HSD17B4: variants seen among roughly 807,000 people sequenced by gnomAD.
HSD17B4 encodes hydroxysteroid 17-beta dehydrogenase 4, also known as peroxisomal multifunctional enzyme type 2.
Under a neutral mutation model 101.0 loss-of-function variants are expected in HSD17B4, and 70 were observed. The observed-to-expected ratio is 0.69, with a 90% CI of 0.57 to 0.85. The LOEUF (loss-of-function observed/expected upper bound fraction) is 0.85. HSD17B4 is among the 40% of genes least tolerant of loss of function. The probability of loss-of-function intolerance (pLI) is 0.00; values close to 1 mark genes in which losing one functional copy is unlikely to be tolerated. For synonymous variants in HSD17B4, 347 were observed against 297.1 expected (o/e 1.17, Z -1.73); for missense variants, 984 against 892.4 (o/e 1.10, Z -1.31).
In HSD17B4 at chr5:119,452,521, A is replaced by G. The variant is rs1484826336; in HGVS notation, c.-55A>G. The G allele has an allele frequency of 6.2e-7, 1 of 1,613,142 alleles. No homozygotes were observed. Among genetic ancestry groups the G allele is most frequent in the Non-Finnish European group, 8.5e-7 (1 of 1,179,872 alleles). ...CATTCCCCGCCTCCTCCTGTCCCGC[A>G]GTCGGCGTCCAGCGGCTCTGCTTGT... On this transcript the variant is annotated 5_prime_UTR_variant, in exon 1 of 24. Coordinates refer to ENST00000510025, the MANE Select transcript of HSD17B4 (RefSeq NM_000414.4).
chr5:119,454,981 T>C (rs1561422131), intron 1 of HSD17B4, among the ~76,000 whole-genome samples: 1 of 152,380 alleles, frequency 6.6e-6, no homozygotes, highest in East Asian at 1.9e-4. Context: ...TTTGTATACT[T>C]ATTGATTAAT....
intron 22 of HSD17B4, chr5:119,535,691 T>G (rs977616241): frequency 4.0e-5 from 6 of 149,284 alleles, no homozygotes; most frequent in South Asian, 4.2e-4. Context: ...TATATATTTT[T>G]GGGGGTAGAC....
chr5:119,498,466 T>C (rs1223032580), intron 12 of HSD17B4, among the ~76,000 whole-genome samples: 1 of 152,238 alleles, frequency 6.6e-6, no homozygotes, highest in Non-Finnish European at 1.5e-5. Flanking sequence ...TGGACATTAT[T>C]CTTTTATATG....
intron 21 of HSD17B4, chr5:119,530,190 T>C (rs551199008): frequency 1.1e-5 from 6 of 542,068 alleles, no homozygotes; most frequent in Non-Finnish European, 2.0e-5. Flanking sequence ...TGCAGGATAC[T>C]AGGATATCTT....
chr5:119,510,067 C>G (rs972824169), intron 16 of HSD17B4, among the ~76,000 whole-genome samples: 1 of 152,158 alleles, frequency 6.6e-6, no homozygotes, highest in Non-Finnish European at 1.5e-5. Context: ...TATATGTAAT[C>G]TTATAGCATA....
chr5:119,527,623 C>A (rs1293769058), intron 20 of HSD17B4, among the ~76,000 whole-genome samples: 1 of 151,834 alleles, frequency 6.6e-6, no homozygotes, highest in African/African-American at 2.4e-5. Flanking sequence ...CTATCTGACT[C>A]ATTAATGAAG....
intron 2 of HSD17B4, among the ~76,000 whole-genome samples, chr5:119,465,807 C>A (rs115261257): frequency 1.2e-3 from 181 of 152,178 alleles, no homozygotes; most frequent in African/African-American, 4.2e-3. Context: ...AATTTGGATG[C>A]CCTTTGTTTC....
intron 12 of HSD17B4, among the ~76,000 whole-genome samples, chr5:119,497,087 T>G (rs1054531441): frequency 2.6e-5 from 4 of 152,148 alleles, no homozygotes; most frequent in Non-Finnish European, 5.9e-5. Context: ...CGAGTGGGGC[T>G]TGGAGAATGG....
At chr5:119,471,662 T>C (rs1756383582) in intron 2 of HSD17B4, 1 of 1,466,044 alleles carries the variant, frequency 6.8e-7, no homozygotes, top group East Asian at 2.5e-5. Context: ...AATAACCCTA[T>C]GGAGAAGATC....
rs767587215 is a variant in HSD17B4, at chr5:119,525,269, C to T, written c.1557C>T (p.Asn519=). The change falls in exon 18 of 24, where the codon AAC becomes AAT. Residue 519 remains asparagine (N), a synonymous_variant. Transcript: ENST00000510025. The stretch of plus-strand genomic sequence containing the variant: ...GGAATCCCTTACACATTGATCCTAA[C>T]TTTGCTAGTCTAGCAGGTGAGTTGT... ...GDWNPLHIDP[N]FASLAGFDKP... 1.2e-6 allele frequency: 2 copies of T among 1,609,430 alleles called. No homozygotes were observed. Among genetic ancestry groups the T allele is most frequent in the Non-Finnish European group, 1.7e-6 (2 of 1,176,054 alleles).
chr5:119,453,938 A>G (rs773979288), intron 1 of HSD17B4, among the ~76,000 whole-genome samples: 13 of 152,214 alleles, frequency 8.5e-5, no homozygotes, highest in Non-Finnish European at 1.6e-4. Context: ...TTACATTCTA[A>G]GACGTTTTTG....
rs373503389 is a variant in HSD17B4, at chr5:119,496,617, C to T, written c.943C>T (p.Arg315Cys). 8.7e-6 allele frequency: 14 copies of T among 1,602,146 alleles called. No homozygotes were observed. The highest frequency in any genetic ancestry group is 6.7e-5 in the Admixed American group (4 of 59,974). ...EGGVSANHTS[R>C]ATSTATSGFA... ...AGGAGTTTCAGCAAATCATACTAGT[C>T]GTGCAACGTCTACAGCAACATCAGG... Residue 315 changes from arginine to cysteine, a missense_variant, in exon 12 of 24, where the codon CGT (arginine) becomes TGT (cysteine). Transcript: ENST00000510025.
chr5:119,452,511 C>T lies in HSD17B4; in HGVS notation c.-65C>T, dbSNP rs1754139586. On this transcript the variant is annotated 5_prime_UTR_variant, in exon 1 of 24. Coordinates refer to ENST00000510025, the MANE Select transcript of HSD17B4 (RefSeq NM_000414.4). ...CCGCCCCCGCCATTCCCCGCCTCCT[C>T]CTGTCCCGCAGTCGGCGTCCAGCGG... The T allele has an allele frequency of 6.2e-7, 1 of 1,612,726 alleles. No homozygotes were observed. Among genetic ancestry groups the T allele is most frequent in the Non-Finnish European group, 8.5e-7 (1 of 1,179,784 alleles).
Position 119,515,058 on chromosome 5 carries a change from T to C in HSD17B4, c.1503+12T>C, listed in dbSNP as rs111239597. The C allele has an allele frequency of 6.6e-7, 1 of 1,512,126 alleles. No individual in the cohort carries two copies. Among genetic ancestry groups the C allele is most frequent in the Non-Finnish European group, 9.2e-7 (1 of 1,087,432 alleles). The allele number at this position is 1,512,126 out of a possible 1,614,324, so 93.7% of individuals were successfully genotyped here. On this transcript the variant is annotated intron_variant, in intron 17 of 23. Transcript: ENST00000510025. Reference sequence around the variant, plus strand: ...CCTCTCTTAATCAGGTAAGATTGTATTTTTGAAAAATGATAAATCCACCTG... The same window carrying C: ...CCTCTCTTAATCAGGTAAGATTGTACTTTTGAAAAATGATAAATCCACCTG...
rs751930586 is a variant in HSD17B4, at chr5:119,506,821, A to T, written c.1265A>T (p.Lys422Ile). The change falls in exon 15 of 24, where the codon AAA (lysine) becomes ATA (isoleucine). Residue 422 changes from lysine to isoleucine, a missense_variant. Physicochemically the swap from Lys to Ile is moderately radical, Grantham distance 102. Coordinates refer to ENST00000510025, the MANE Select transcript of HSD17B4 (RefSeq NM_000414.4). ...ELYKPLPRAGKLKCEAVVADV... is the reference protein window; with the variant it reads ...ELYKPLPRAGILKCEAVVADV... ...TTTCTTTTACTTTTCTTTCTAGGAAAATTAAAATGTGAAGCAGTTGTTGCT... is the reference window on the plus strand; with the variant it reads ...TTTCTTTTACTTTTCTTTCTAGGAATATTAAAATGTGAAGCAGTTGTTGCT... The T allele has an allele frequency of 1.9e-6, 3 of 1,563,654 alleles. No homozygotes were observed. The highest frequency in any genetic ancestry group is 1.1e-5 in the South Asian group (1 of 89,864).
At chr5:119,507,016 A>G in intron 15 of HSD17B4, 127 bp downstream of exon 15, 1 of 570,856 alleles carries the variant, frequency 1.8e-6, no homozygotes. Context: ...AAAACAAGAT[A>G]AGCATTTTTA....
In HSD17B4 at chr5:119,531,369, A is replaced by G. The variant is rs748755382; in HGVS notation, c.1958A>G (p.His653Arg). Residue 653 changes from histidine to arginine, a missense_variant, in exon 22 of 24, where the codon CAT becomes CGT. Physicochemically the swap from His to Arg is conservative, Grantham distance 29 (BLOSUM62 0). Transcript: ENST00000510025. ...AAAGTAAATGCTGTATTTGAGTGGC[A>G]TATAACCAAAGGCGGAAATATTGGG... ...VKKVNAVFEW[H>R]ITKGGNIGAK... 16 of 1,613,512 alleles carry G rather than the reference A, an allele frequency of 9.9e-6. No homozygotes were observed. The African/African-American group carries it at 1.9e-4, about 19-fold the overall frequency.
chr5:119,528,034 G>C (rs1441888565), intron 20 of HSD17B4, among the ~76,000 whole-genome samples: 2 of 152,122 alleles, frequency 1.3e-5, no homozygotes, highest in Non-Finnish European at 2.9e-5. Context: ...ATGCTATATA[G>C]AGCATATTAA....
chr5:119,487,790 G>A (rs916399547), intron 8 of HSD17B4, among the ~76,000 whole-genome samples: 3 of 152,126 alleles, frequency 2.0e-5, no homozygotes, highest in Admixed American at 6.6e-5. Context: ...GTCAATTGAT[G>A]TATGGGAAAT....
Sources: gnomAD v4.1 joint callset for allele counts (sites outside exome capture counted in the v4.1 genomes callset) on GRCh38, gnomAD v4.1.1 for gene constraint, MANE v1.5 for transcripts, NCBI Gene and HGNC (gene_info 2026-07-23, HGNC 2026-07-21) for gene names.